ZNF879: variants seen among roughly 807,000 people sequenced by gnomAD.
ZNF879 encodes the protein zinc finger protein 879.
In ZNF879, 32 loss-of-function variants were observed where a neutral mutation model predicts 44.3. The observed-to-expected ratio is 0.72, with a 90% CI of 0.54 to 0.97. The LOEUF (loss-of-function observed/expected upper bound fraction) is 0.97. ZNF879 is among the 50% of genes least tolerant of loss of function. The pLI is 0.00. For synonymous variants in ZNF879, 234 were observed against 233.2 expected (o/e 1.00, Z -0.03); for missense variants, 621 against 669.7 (o/e 0.93, Z 0.80).
Position 179,032,804 on chromosome 5 carries a change from A to G in ZNF879, c.856A>G (p.Arg286Gly), listed in dbSNP as rs1350652226. 1 of 1,554,560 alleles carries G rather than the reference A, an allele frequency of 6.4e-7. No homozygotes were observed. Among genetic ancestry groups the G allele is most frequent in the Non-Finnish European group, 8.7e-7 (1 of 1,148,782 alleles). The change falls in exon 5 of 5, where the codon AGA becomes GGA. Residue 286 changes from arginine to glycine, a missense_variant. Arg to Gly is a moderately radical substitution (Grantham distance 125). Coordinates refer to ENST00000444149, the MANE Select transcript of ZNF879 (RefSeq NM_001136116.3). ...IGHQRMHTGE[R>G]PYKCKECGKT... Reference sequence around the variant, plus strand: ...ACACCAGAGAATGCATACTGGAGAGAGACCTTATAAATGCAAGGAATGTGG... The same window carrying G: ...ACACCAGAGAATGCATACTGGAGAGGGACCTTATAAATGCAAGGAATGTGG...
chr5:179,024,945 C>T lies in ZNF879; in HGVS notation c.-35-25C>T, dbSNP rs1032330591. 6.5e-5 allele frequency: 100 copies of T among 1,540,032 alleles called. No individual in the cohort carries two copies. The Admixed American group carries it at 1.9e-3, about 29-fold the overall frequency. On this transcript the variant is annotated intron_variant, in intron 1 of 4. Coordinates refer to ENST00000444149, the MANE Select transcript of ZNF879 (RefSeq NM_001136116.3). ...GGGCATGCAGGCTGGATGAAAAGAC[C>T]TCACAGCTTTTTTCTCCATTCCAGG...
In ZNF879 at chr5:179,034,003, C is replaced by T. The variant is rs750171108; in HGVS notation, c.*363C>T. On this transcript the variant is annotated 3_prime_UTR_variant, in exon 5 of 5. Transcript: ENST00000444149. Reference sequence around the variant, plus strand: ...CCATAAAATCCAGACACAGATAAATCTAGGAATCTATTTTTTGAAACTATT... The same window carrying T: ...CCATAAAATCCAGACACAGATAAATTTAGGAATCTATTTTTTGAAACTATT... The T allele has an allele frequency of 5.5e-4, 93 of 168,754 alleles. No homozygotes were observed. The highest frequency in any genetic ancestry group is 1.0e-3 in the Non-Finnish European group (81 of 79,420). 10.5% of individuals were successfully genotyped at this position (168,754 alleles called of 1,614,324 possible).
chr5:179,027,714 A>G (rs534197876), intron 3 of ZNF879, 115 bp downstream of exon 3: 38 of 1,374,838 alleles, frequency 2.8e-5, no homozygotes, highest in Non-Finnish European at 3.5e-5. Context: ...AAGAGTGGCC[A>G]TTGCCATTCC....
chr5:179,025,119 A>C, intron 2 of ZNF879, 82 bp downstream of exon 2: 1 of 1,463,282 alleles, frequency 6.8e-7, no homozygotes, highest in Non-Finnish European at 9.4e-7. Flanking sequence ...GAGCTTCTCT[A>C]CCCAGTGAAG....
chr5:179,025,101 C>T, intron 2 of ZNF879, 64 bp downstream of exon 2: 1 of 1,529,576 alleles, frequency 6.5e-7, no homozygotes, highest in African/African-American at 1.4e-5. Context: ...ACTTCTTCAT[C>T]TGTTGTTGAG....
At chr5:179,027,367 A>G (rs928500782) in intron 2 of ZNF879, 106 bp from the exon 3 acceptor site, 4 of 1,497,164 alleles carry the variant, frequency 2.7e-6, no homozygotes, top group African/African-American at 2.8e-5. Context: ...AAAGTTGTCC[A>G]GAAACACTTG....
chr5:179,033,733 T>A lies in ZNF879; in HGVS notation c.*93T>A. ...TGGGGAGAAAGTGATGAAGAGTAGT[T>A]AATCATAGGTAAAACTTCAGCATTA... On this transcript the variant is annotated 3_prime_UTR_variant, in exon 5 of 5. Transcript: ENST00000444149. 1.1e-6 allele frequency: 1 copy of A among 948,052 alleles called. No homozygotes were observed. The highest frequency in any genetic ancestry group is 1.5e-6 in the Non-Finnish European group (1 of 653,516). The allele number at this position is 948,052 out of a possible 1,614,324, so 58.7% of individuals were successfully genotyped here. A position where few individuals can be genotyped will look rare whatever the true frequency, so the allele number is the denominator to read the frequency against.
rs1457294548 is a variant in ZNF879 at position 179,034,954 on chromosome 5, C to T, written c.*1314C>T. ...GTGCAGTGGCTCACGCCTGTAATCC[C>T]GGCACTTTGGGAGGCCAAGACGGGC... On this transcript the variant is annotated 3_prime_UTR_variant, in exon 5 of 5. Coordinates refer to ENST00000444149, the MANE Select transcript of ZNF879 (RefSeq NM_001136116.3). 5 of 151,648 alleles carry T rather than the reference C, an allele frequency of 3.3e-5. No individual in the cohort carries two copies. Among genetic ancestry groups the T allele is most frequent in the South Asian group, 2.1e-4 (1 of 4,794 alleles). 9.4% of individuals were successfully genotyped at this position (151,648 alleles called of 1,614,324 possible).
chr5:179,024,970 G>A lies in ZNF879; in HGVS notation c.-35G>A. 1.3e-6 allele frequency: 2 copies of A among 1,551,070 alleles called. No individual in the cohort carries two copies. The highest frequency in any genetic ancestry group is 8.7e-7 in the Non-Finnish European group (1 of 1,146,536). ...CTCACAGCTTTTTTCTCCATTCCAG[G>A]TGCCTTCTCCAAGAGAGGCAGCAGG... On this transcript the variant is annotated splice_region_variant and 5_prime_UTR_variant, in exon 2 of 5. The change creates a new upstream start codon in the 5' untranslated region. Coordinates refer to ENST00000444149, the MANE Select transcript of ZNF879 (RefSeq NM_001136116.3).
chr5:179,027,097 C>T (rs942112630), intron 2 of ZNF879, among the ~76,000 whole-genome samples: 1 of 152,214 alleles, frequency 6.6e-6, no homozygotes, highest in African/African-American at 2.4e-5. Flanking sequence ...CCCAGCAAGC[C>T]TGGTGGTGTT....
In ZNF879 at chr5:179,032,850, C is replaced by G; in HGVS notation, c.902C>G (p.Ser301Ter). ...KECGKTFKGS[S>*]SLNNHQRIHT... ...TGTGGAAAAACATTTAAAGGTAGTTCATCTCTTAATAATCACCAGCGAATT... is the reference window on the plus strand; with the variant it reads ...TGTGGAAAAACATTTAAAGGTAGTTGATCTCTTAATAATCACCAGCGAATT... Residue 301 changes from serine (S) to a stop codon, truncating the protein, a stop_gained, in exon 5 of 5, where the codon TCA becomes TGA. Transcript: ENST00000444149. LOFTEE classifies it high-confidence loss of function. 6.4e-7 allele frequency: 1 copy of G among 1,560,728 alleles called. No individual in the cohort carries two copies. The highest frequency in any genetic ancestry group is 8.7e-7 in the Non-Finnish European group (1 of 1,152,378).
Position 179,033,615 on chromosome 5 carries a change from C to T in ZNF879, c.1667C>T (p.Thr556Ile). ...GKAFSQSSSL[T>I]NHQRTHN is the part of the protein sequence containing the mutation. ...GCTTTTAGTCAGAGCTCATCTCTTA[C>T]TAATCATCAAAGGACTCATAATTGA... The change falls in exon 5 of 5, where the codon ACT (threonine) becomes ATT (isoleucine). Residue 556 changes from threonine (T) to isoleucine (I), a missense_variant. Physicochemically the swap from Thr to Ile is moderately conservative, Grantham distance 89. Coordinates refer to ENST00000444149, the MANE Select transcript of ZNF879 (RefSeq NM_001136116.3). 6.6e-7 allele frequency: 1 copy of T among 1,525,472 alleles called. No homozygotes were observed. The highest frequency in any genetic ancestry group is 8.8e-7 in the Non-Finnish European group (1 of 1,137,928). 94.5% of individuals were successfully genotyped at this position (1,525,472 alleles called of 1,614,324 possible).
chr5:179,024,076 G>C (rs1761187480), intron 1 of ZNF879, among the ~76,000 whole-genome samples, 172 bp downstream of exon 1: 1 of 152,194 alleles, frequency 6.6e-6, no homozygotes, highest in Non-Finnish European at 1.5e-5. Context: ...GAAGGGCCTG[G>C]CGGAGGCCGG....
intron 4 of ZNF879, among the ~76,000 whole-genome samples, chr5:179,031,635 C>G (rs1761422278): frequency 6.6e-6 from 1 of 152,238 alleles, no homozygotes; most frequent in Non-Finnish European, 1.5e-5. Flanking sequence ...CTGTATCACA[C>G]TGCTGGAATG....
chr5:179,028,614 A>G (rs1305372575), intron 4 of ZNF879, among the ~76,000 whole-genome samples: 1 of 152,192 alleles, frequency 6.6e-6, no homozygotes, highest in Non-Finnish European at 1.5e-5. Context: ...CATACATGAA[A>G]GAGGGAAAGA....
chr5:179,024,927 C>G (rs1761221957), intron 1 of ZNF879, 43 bp from the exon 2 acceptor site: 10 of 1,472,294 alleles, frequency 6.8e-6, no homozygotes, highest in African/African-American at 1.4e-5. Context: ...GGTGGGCATG[C>G]AGGCTGGATG....
chr5:179,026,238 T>G (rs542340172), intron 2 of ZNF879, among the ~76,000 whole-genome samples: 1 of 152,292 alleles, frequency 6.6e-6, no homozygotes, highest in African/African-American at 2.4e-5. Context: ...GGGAGTTACA[T>G]AAACTAGATC....
In ZNF879 at chr5:179,027,150, G is replaced by A. The variant is rs147683673; in HGVS notation, c.34-323G>A. Among the ~76,000 whole-genome samples the A allele has an allele frequency of 1.8e-3, 277 of 152,232 alleles. 1 individual carries two copies. Among genetic ancestry groups the A allele is most frequent in the African/African-American group, 6.2e-3 (258 of 41,544 alleles). ...AGTGAATGTGCTGGTGCCTCCTTCC[G>A]AAACCTGACTGTCAGGTGTGACCTG... On this transcript the variant is annotated intron_variant, in intron 2 of 4. Transcript: ENST00000444149.
In ZNF879 at chr5:179,034,448, C is replaced by G. The variant is rs1264990333; in HGVS notation, c.*808C>G. On this transcript the variant is annotated 3_prime_UTR_variant, in exon 5 of 5. Coordinates refer to ENST00000444149, the MANE Select transcript of ZNF879 (RefSeq NM_001136116.3). ...ATCTCAGAATGTAGCCAATAGCAAG[C>G]ACAGCTCAGCTCCCAGGGTCTGCCT... 6.6e-6 allele frequency: 1 copy of G among 152,220 alleles called. No individual in the cohort carries two copies. The highest frequency in any genetic ancestry group is 1.5e-5 in the Non-Finnish European group (1 of 68,048). 9.4% of individuals were successfully genotyped at this position (152,220 alleles called of 1,614,324 possible).
Sources: allele counts gnomAD v4.1 joint callset (sites outside exome capture counted in the v4.1 genomes callset), GRCh38; gene constraint gnomAD v4.1.1; transcripts MANE v1.5; gene names NCBI Gene and HGNC (gene_info 2026-07-23, HGNC 2026-07-21).